The following GPR158 variants were observed in gnomAD, a reference collection of about 807,000 sequenced individuals.
GPR158 encodes the protein G protein-coupled receptor 158, also known as metabotropic glycine receptor.
Under a neutral mutation model 78.2 loss-of-function variants are expected in GPR158, and 30 were observed. That is an observed-to-expected ratio of 0.38 (90% CI 0.29 to 0.52). The LOEUF is 0.52. GPR158 is among the 20% of genes least tolerant of loss of function. The probability of loss-of-function intolerance (pLI) is 0.83; values close to 1 mark genes in which losing one functional copy is unlikely to be tolerated. For missense variants in GPR158, 1,463 were observed against 1,523.5 expected (o/e 0.96, Z 0.66); for synonymous variants, 581 against 591.1 (o/e 0.98, Z 0.25).
At chr10:25,298,061 C>G (rs1363266491) in intron 2 of GPR158, among the ~76,000 whole-genome samples, 1 of 151,926 alleles carries the variant, frequency 6.6e-6, no homozygotes, top group African/African-American at 2.4e-5. Context: ...TCACAGAGTG[C>G]CTTTTGAAAT....
At chr10:25,273,917 A>C (rs2130745896) in intron 2 of GPR158, among the ~76,000 whole-genome samples, 1 of 152,202 alleles carries the variant, frequency 6.6e-6, no homozygotes, top group African/African-American at 2.4e-5. Context: ...TGGACTAGTG[A>C]TCTGCCTGCC....
Position 25,596,649 on chromosome 10 carries a change from C to T in GPR158, c.2005C>T (p.His669Tyr). The T allele has an allele frequency of 6.2e-7, 1 of 1,612,632 alleles. No homozygotes were observed. The highest frequency in any genetic ancestry group is 8.5e-7 in the Non-Finnish European group (1 of 1,179,168). The stretch of plus-strand genomic sequence containing the variant: ...CATACTGAATTTGTTTCAGTTTTCA[C>T]ATTCAAGCAATAACCCACGAGATGA... ...IGLLLIPKFS[H>Y]SSNNPRDDIA... The change falls in exon 10 of 11, where the codon CAT (histidine) becomes TAT (tyrosine). Residue 669 changes from histidine (H) to tyrosine (Y), a missense_variant. His to Tyr is a moderately conservative substitution (Grantham distance 83, BLOSUM62 2). Transcript: ENST00000376351.
intron 7 of GPR158, among the ~76,000 whole-genome samples, chr10:25,576,004 A>G (rs16926122): frequency 0.029 from 4,371 of 151,586 alleles, 197 homozygotes; most frequent in African/African-American, 0.1. Flanking sequence ...TGTTATCTAA[A>G]ACTCCCCTAC....
At chr10:25,523,570 C>T (rs561925614) in intron 5 of GPR158, among the ~76,000 whole-genome samples, 2 of 152,120 alleles carry the variant, frequency 1.3e-5, no homozygotes, top group Non-Finnish European at 2.9e-5. Flanking sequence ...CTGGACTCCT[C>T]GAATTCTAAT....
intron 1 of GPR158, among the ~76,000 whole-genome samples, chr10:25,212,716 C>T (rs1338682958): frequency 2.2e-5 from 3 of 133,374 alleles, no homozygotes; most frequent in South Asian, 2.6e-4. Flanking sequence ...ACTGCAACTT[C>T]TGCCTCCTGG....
intron 2 of GPR158, among the ~76,000 whole-genome samples, chr10:25,351,651 T>TTC (rs1203806518): frequency 2.0e-5 from 3 of 150,028 alleles, no homozygotes; most frequent in African/African-American, 7.5e-5. Flanking sequence ...TTACCTGCTT[T>TTC]TAAGGGTGAC....
chr10:25,538,664 G>A (rs983089), intron 5 of GPR158, among the ~76,000 whole-genome samples: 37,876 of 151,992 alleles, frequency 0.25, 5,679 homozygotes, highest in Non-Finnish European at 0.33. Flanking sequence ...CATGTGTCAC[G>A]GTGCCTGGCT....
At chr10:25,180,282 T>G (rs534185653) in intron 1 of GPR158, among the ~76,000 whole-genome samples, 1 of 152,310 alleles carries the variant, frequency 6.6e-6, no homozygotes, top group African/African-American at 2.4e-5. Flanking sequence ...ACTTTATATA[T>G]TTCAGTACAT....
intron 2 of GPR158, among the ~76,000 whole-genome samples, chr10:25,241,924 G>A (rs999134671): frequency 2.0e-5 from 3 of 152,096 alleles, no homozygotes; most frequent in Admixed American, 6.5e-5. Context: ...TCCAATGGAG[G>A]CATTTTAAAA....
chr10:25,418,528 C>A (rs1254495275), intron 4 of GPR158, among the ~76,000 whole-genome samples: 5 of 151,834 alleles, frequency 3.3e-5, no homozygotes, highest in African/African-American at 4.8e-5. Context: ...TCTAAAACAA[C>A]AAGAATTTTA....
chr10:25,210,987 C>T (rs937093703), intron 1 of GPR158, among the ~76,000 whole-genome samples: 1 of 151,478 alleles, frequency 6.6e-6, no homozygotes, highest in African/African-American at 2.4e-5. Context: ...CAAAAAATAG[C>T]GGGGTGTGGT....
intron 5 of GPR158, among the ~76,000 whole-genome samples, chr10:25,479,228 T>C (rs1427965303): frequency 6.6e-6 from 1 of 152,166 alleles, no homozygotes; most frequent in Non-Finnish European, 1.5e-5. Context: ...TTGTAATACA[T>C]TTAAAAGATT....
intron 6 of GPR158, among the ~76,000 whole-genome samples, chr10:25,561,820 C>A (rs1483798035): frequency 1.3e-5 from 2 of 152,114 alleles, no homozygotes; most frequent in African/African-American, 4.8e-5. Flanking sequence ...TCTTACAGAT[C>A]TACGATTACA....
chr10:25,332,964 C>A (rs985713030), intron 2 of GPR158, among the ~76,000 whole-genome samples: 1 of 152,074 alleles, frequency 6.6e-6, no homozygotes, highest in African/African-American at 2.4e-5. Flanking sequence ...ATGAGCTGTT[C>A]ATTCTTGCCT....
chr10:25,499,129 T>C (rs945130594), intron 5 of GPR158, among the ~76,000 whole-genome samples: 2 of 152,244 alleles, frequency 1.3e-5, no homozygotes, highest in Non-Finnish European at 2.9e-5. Flanking sequence ...CTGATAAAAG[T>C]CGATATATTT....
At chr10:25,375,296 C>T (rs1332466850) in intron 2 of GPR158, among the ~76,000 whole-genome samples, 1 of 151,504 alleles carries the variant, frequency 6.6e-6, no homozygotes, top group Non-Finnish European at 1.5e-5. Context: ...GGATAGGTTG[C>T]TTGCCATCAT....
chr10:25,584,779 A>T (rs1446622868), intron 7 of GPR158, among the ~76,000 whole-genome samples: 2 of 152,214 alleles, frequency 1.3e-5, no homozygotes. Flanking sequence ...TAGATCACTT[A>T]TAAGCCTGTT....
chr10:25,482,589 G>A (rs900443911), intron 5 of GPR158, among the ~76,000 whole-genome samples: 27 of 152,030 alleles, frequency 1.8e-4, no homozygotes, highest in African/African-American at 6.3e-4. Context: ...CCTTCCTTTT[G>A]GTACAGCTAT....
At chr10:25,224,371 T>C (rs1853343777) in intron 2 of GPR158, among the ~76,000 whole-genome samples, 1 of 151,778 alleles carries the variant, frequency 6.6e-6, no homozygotes, top group Non-Finnish European at 1.5e-5. Context: ...GTCCAAGGTA[T>C]ATATATATTT....
Sources: gnomAD v4.1 joint callset for allele counts (sites outside exome capture counted in the v4.1 genomes callset) on GRCh38, gnomAD v4.1.1 for gene constraint, MANE v1.5 for transcripts, NCBI Gene and HGNC (gene_info 2026-07-23, HGNC 2026-07-21) for gene names.